The following PDE4D variants were observed in gnomAD, a reference collection of about 807,000 sequenced individuals.
The protein encoded by PDE4D is 3',5'-cyclic-AMP phosphodiesterase 4D.
PDE4D carries 24 observed loss-of-function variants against 87.4 expected under a neutral mutation model. That is an observed-to-expected ratio of 0.27 (90% CI 0.20 to 0.39). The LOEUF (loss-of-function observed/expected upper bound fraction) is 0.39, where lower values mean the gene tolerates loss of function less well. Among genes scored for constraint, PDE4D ranks in the 10% least tolerant of loss-of-function variants. The pLI is 1.00. For missense variants in PDE4D, 714 were observed against 1,041.0 expected, an observed-to-expected ratio of 0.69 and a Z score of 4.32; for synonymous variants, 384 against 383.2, an observed-to-expected ratio of 1.00 and a Z score of -0.02.
At chr5:59,061,664 C>T (rs1268268149) in intron 5 of PDE4D, among the ~76,000 whole-genome samples, 1 of 152,084 alleles carries the variant, frequency 6.6e-6, no homozygotes, top group Non-Finnish European at 1.5e-5. Flanking sequence ...ATCCCTGACA[C>T]GTTGTCATCC....
intron 1 of PDE4D, among the ~76,000 whole-genome samples, chr5:59,885,944 T>C (rs1750086719): frequency 6.6e-6 from 1 of 152,212 alleles, no homozygotes; most frequent in South Asian, 2.1e-4. Flanking sequence ...TATGTGTCTA[T>C]TTTTCTGAGA....
rs183235632 is a variant in PDE4D, at chr5:59,931,741, G to A, written c.272+56747C>T. Among the ~76,000 whole-genome samples, 144 of 125,864 alleles carry A rather than the reference G, an allele frequency of 1.1e-3. 1 individual carries two copies. In the East Asian group the frequency reaches 0.023, roughly 20 times the overall value. 82.6% of individuals were successfully genotyped at this position (125,864 alleles called of 152,430 possible). On this transcript the variant is annotated intron_variant, in intron 3 of 16. Transcript: ENST00000502484. ...TTTTGAGACGGAGTCTCACTCTGTC[G>A]CCCAGGCTGGAGTGCAGTGGTGCAA...
chr5:60,367,804 G>C (rs569988945), intron 1 of PDE4D, among the ~76,000 whole-genome samples: 35 of 152,200 alleles, frequency 2.3e-4, no homozygotes, highest in African/African-American at 8.4e-4. Flanking sequence ...CACAGCTCAA[G>C]TGCTCCTATG....
intron 1 of PDE4D, among the ~76,000 whole-genome samples, chr5:59,520,928 G>C (rs1812112566): frequency 6.6e-6 from 1 of 151,858 alleles, no homozygotes; most frequent in African/African-American, 2.4e-5. Flanking sequence ...GTGTGTGTCT[G>C]TATGTGTGTA....
chr5:60,180,415 C>T (rs1032683380), intron 2 of PDE4D, among the ~76,000 whole-genome samples: 7 of 152,014 alleles, frequency 4.6e-5, no homozygotes, highest in Admixed American at 2.0e-4. Flanking sequence ...AACAGGGTGC[C>T]CACAACGTGA....
chr5:59,233,907 G>A (rs1027992248), intron 1 of PDE4D, among the ~76,000 whole-genome samples: 5 of 152,098 alleles, frequency 3.3e-5, no homozygotes, highest in African/African-American at 1.2e-4. Flanking sequence ...TAGTTACACT[G>A]ATCTTCTGCT....
intron 1 of PDE4D, among the ~76,000 whole-genome samples, chr5:60,354,913 C>T (rs1029853599): frequency 6.6e-6 from 1 of 152,118 alleles, no homozygotes; most frequent in African/African-American, 2.4e-5. Flanking sequence ...AATCCACTCT[C>T]CAATATAACC....
chr5:60,428,363 G>T (rs1426356263), intron 1 of PDE4D, among the ~76,000 whole-genome samples: 1 of 151,294 alleles, frequency 6.6e-6, no homozygotes. Context: ...AAAAGAGCAG[G>T]AAAGAAACAA....
intron 1 of PDE4D, chr5:59,218,111 A>G (rs1414570097): frequency 3.0e-6 from 1 of 329,758 alleles, no homozygotes; most frequent in Non-Finnish European, 6.1e-6. Context: ...GGCAAAGTAG[A>G]TTTCTCTTCT....
chr5:60,161,361 T>G (rs1373497588), intron 2 of PDE4D, among the ~76,000 whole-genome samples: 1 of 152,176 alleles, frequency 6.6e-6, no homozygotes, highest in African/African-American at 2.4e-5. Flanking sequence ...GTCCCCCTTC[T>G]TCCTCACCAT....
intron 2 of PDE4D, among the ~76,000 whole-genome samples, chr5:60,144,472 T>C (rs1182634405): frequency 1.3e-5 from 2 of 152,242 alleles, no homozygotes; most frequent in Admixed American, 1.3e-4. Flanking sequence ...GTAGCAGCCA[T>C]GGGGAATATT....
At position 59,600,597 on chromosome 5, in the gene PDE4D, C is replaced by A. The variant is rs532049427; in HGVS notation, c.455+292571G>T. Among the ~76,000 whole-genome samples, 70 of 152,250 alleles carry A rather than the reference C, an allele frequency of 4.6e-4. 1 individual carries two copies. Among genetic ancestry groups the A allele is most frequent in the African/African-American group, 1.5e-3 (62 of 41,554 alleles). On this transcript the variant is annotated intron_variant, in intron 1 of 14. Coordinates refer to ENST00000340635, the MANE Select transcript of PDE4D (RefSeq NM_001104631.2). The stretch of plus-strand genomic sequence containing the variant: ...AAGGCATCTTAACTTAAGAAGTTTA[C>A]CATAAATATTTATTATAACCCACAC...
chr5:59,790,711 T>C (rs1477160544), intron 1 of PDE4D, among the ~76,000 whole-genome samples: 1 of 152,192 alleles, frequency 6.6e-6, no homozygotes, highest in Non-Finnish European at 1.5e-5. Context: ...TCCTCTTCAA[T>C]GCTTTCTGTC....
At chr5:59,724,501 T>C (rs1434717104) in intron 1 of PDE4D, among the ~76,000 whole-genome samples, 1 of 152,100 alleles carries the variant, frequency 6.6e-6, no homozygotes, top group African/African-American at 2.4e-5. Flanking sequence ...TTGAGAAAGA[T>C]GATTTTCAAG....
At chr5:59,583,808 T>C (rs2153700871) in intron 1 of PDE4D, among the ~76,000 whole-genome samples, 1 of 152,342 alleles carries the variant, frequency 6.6e-6, no homozygotes, top group South Asian at 2.1e-4. Flanking sequence ...AAGACTACCC[T>C]AGACCTCCTG....
At chr5:59,104,701 G>A (rs1361192137) in intron 5 of PDE4D, among the ~76,000 whole-genome samples, 1 of 152,020 alleles carries the variant, frequency 6.6e-6, no homozygotes, top group Non-Finnish European at 1.5e-5. Flanking sequence ...GAAGGGGAGG[G>A]AGGAAAGAAG....
At chr5:59,487,583 T>C (rs1486922547) in intron 1 of PDE4D, among the ~76,000 whole-genome samples, 2 of 151,936 alleles carry the variant, frequency 1.3e-5, no homozygotes, top group East Asian at 3.9e-4. Flanking sequence ...TGCACAGTGG[T>C]TCCAGAAAGC....
At chr5:59,852,357 A>G (rs150531692) in intron 1 of PDE4D, among the ~76,000 whole-genome samples, 14 of 152,206 alleles carry the variant, frequency 9.2e-5, no homozygotes, top group Non-Finnish European at 2.1e-4. Context: ...CTATCATAAA[A>G]GACATTGCAG....
At chr5:60,133,853 C>T (rs1395672996) in intron 2 of PDE4D, among the ~76,000 whole-genome samples, 1 of 152,114 alleles carries the variant, frequency 6.6e-6, no homozygotes, top group African/African-American at 2.4e-5. Context: ...CTGGAGTCCA[C>T]AAAGAATTCA....
Sources: allele counts gnomAD v4.1 joint callset (sites outside exome capture counted in the v4.1 genomes callset), GRCh38; gene constraint gnomAD v4.1.1; transcripts MANE v1.5; gene names NCBI Gene and HGNC (gene_info 2026-07-23, HGNC 2026-07-21).